CBR4: variants seen among roughly 807,000 people sequenced by gnomAD.
CBR4 encodes the protein 3-oxoacyl-[acyl-carrier-protein] reductase.
In CBR4, 22 loss-of-function variants were observed where a neutral mutation model predicts 21.0. The ratio of observed to expected loss-of-function variants is 1.05; its 90% CI spans 0.75 to 1.50. The LOEUF (loss-of-function observed/expected upper bound fraction) is 1.50. Ranked by LOEUF, CBR4 falls within the 40% of genes most tolerant of loss-of-function variation. The pLI is 0.00. For missense variants in CBR4, 302 were observed against 286.3 expected, an observed-to-expected ratio of 1.05 and a Z score of -0.40; for synonymous variants, 100 against 104.4, an observed-to-expected ratio of 0.96 and a Z score of 0.26.
At chr4:169,008,754 A>C (rs2126881395) in intron 1 of CBR4, among the ~76,000 whole-genome samples, 1 of 152,318 alleles carries the variant, frequency 6.6e-6, no homozygotes. Flanking sequence ...GGGGTGACAC[A>C]GTAAGGGTCA....
chr4:168,938,546 A>C (rs10031084), intron 2 of CBR4, among the ~76,000 whole-genome samples: 20,025 of 152,214 alleles, frequency 0.13, 1,473 homozygotes, highest in Middle Eastern at 0.22. Context: ...GACAAGATCA[A>C]CAAAATAGAC....
rs891594631 is a variant in CBR4 at position 168,988,233 on chromosome 4, A to G, written c.*1917T>C. The G allele has an allele frequency of 1.5e-5, 15 of 985,326 alleles. No individual in the cohort carries two copies. The African/African-American group carries it at 2.3e-4, about 15-fold the overall frequency. The allele number at this position is 985,326 out of a possible 1,614,324, so 61.0% of individuals were successfully genotyped here. Reference sequence around the variant, plus strand: ...AGTGAAGGTTTATTTTACCTCTTTCAAGATCTCTCCATATATTCCACCAGT... The same window carrying G: ...AGTGAAGGTTTATTTTACCTCTTTCGAGATCTCTCCATATATTCCACCAGT... On this transcript the variant is annotated 3_prime_UTR_variant, in exon 5 of 5. Transcript: ENST00000306193.
rs202118988 is a variant in CBR4 at position 169,010,132 on chromosome 4, G to A, written c.-43C>T. 335 of 1,514,962 alleles carry A rather than the reference G, an allele frequency of 2.2e-4. 3 individuals are homozygous for A. In the African/African-American group the frequency reaches 4.4e-3, roughly 20 times the overall value. 93.8% of individuals were successfully genotyped at this position (1,514,962 alleles called of 1,614,324 possible). A position where few individuals can be genotyped will look rare whatever the true frequency, so the allele number is the denominator to read the frequency against. On this transcript the variant is annotated 5_prime_UTR_variant, in exon 1 of 5. Transcript: ENST00000306193. Reference sequence around the variant, plus strand: ...GGAGGAAAGAGGGTAGGGAGTGGGAGCCCCTCTCCAGGTTCCCTCAGGCTT... The same window carrying A: ...GGAGGAAAGAGGGTAGGGAGTGGGAACCCCTCTCCAGGTTCCCTCAGGCTT...
At chr4:168,921,365 C>G (rs1761452464) in intron 2 of CBR4, among the ~76,000 whole-genome samples, 1 of 140,628 alleles carries the variant, frequency 7.1e-6, no homozygotes, top group Non-Finnish European at 1.5e-5. Flanking sequence ...TGAGATTGTG[C>G]CACTGCACTC....
chr4:168,989,385 T>C lies in CBR4; in HGVS notation c.*765A>G, dbSNP rs936321138. ...CTTATGAGAATTTCTCAAGAATGAG[T>C]CAAATGCGCCACATTTAAATTTGCA... On this transcript the variant is annotated 3_prime_UTR_variant, in exon 5 of 5. Coordinates refer to ENST00000306193, the MANE Select transcript of CBR4 (RefSeq NM_032783.5). The C allele has an allele frequency of 2.0e-6, 2 of 985,270 alleles. No individual in the cohort carries two copies. The highest frequency in any genetic ancestry group is 2.4e-6 in the Non-Finnish European group (2 of 829,892). The allele number at this position is 985,270 out of a possible 1,614,324, so 61.0% of individuals were successfully genotyped here. A position where few individuals can be genotyped will look rare whatever the true frequency, so the allele number is the denominator to read the frequency against.
intron 2 of CBR4, among the ~76,000 whole-genome samples, chr4:168,896,369 T>G (rs1398302898): frequency 6.6e-6 from 1 of 152,236 alleles, no homozygotes; most frequent in Non-Finnish European, 1.5e-5. Context: ...ATATCTCATG[T>G]GATTTATGGA....
intron 2 of CBR4, among the ~76,000 whole-genome samples, chr4:168,903,144 AT>A (rs1372294318): frequency 3.9e-5 from 6 of 152,004 alleles, no homozygotes; most frequent in Non-Finnish European, 2.9e-5. Context: ...CTTTAACATA[AT>A]GGGGATAGGT....
At position 168,990,189 on chromosome 4, in the gene CBR4, A is replaced by T. The variant is rs1188963102; in HGVS notation, c.675T>A (p.His225Gln). ...FLLESPYITG[H>Q]VLVVDGGLQL... Reference sequence around the variant, plus strand: ...GTAATCCCCCATCCACTACCAGAACATGCCCTGTAATATACGGTGATTCTA... The same window carrying T: ...GTAATCCCCCATCCACTACCAGAACTTGCCCTGTAATATACGGTGATTCTA... The change falls in exon 5 of 5, where the codon CAT (histidine) becomes CAA (glutamine). Residue 225 changes from histidine to glutamine, a missense_variant. Transcript: ENST00000306193. 1 of 1,611,310 alleles carries T rather than the reference A, an allele frequency of 6.2e-7. No homozygotes were observed. Among genetic ancestry groups the T allele is most frequent in the Non-Finnish European group, 8.5e-7 (1 of 1,178,880 alleles).
intron 2 of CBR4, chr4:168,927,143 A>G (rs1386061060): frequency 4.4e-6 from 1 of 228,612 alleles, no homozygotes. Flanking sequence ...TTCCACAGAA[A>G]GCATCCAAAC....
intron 2 of CBR4, among the ~76,000 whole-genome samples, chr4:168,925,690 AC>A (rs1229851885): frequency 6.6e-5 from 10 of 152,292 alleles, no homozygotes; most frequent in South Asian, 2.1e-4. Context: ...CATAAAAAAA[AC>A]ACTAGAAAAA....
rs573996875 is a variant in CBR4, at chr4:168,905,437, T to C, written n.170-10672A>G. Reference sequence around the variant, plus strand: ...TGTTAGCATTACAGGTGTGAGGCACTGCACCCGGCCTGAGACTCTGTTTCT... The same window carrying C: ...TGTTAGCATTACAGGTGTGAGGCACCGCACCCGGCCTGAGACTCTGTTTCT... On this transcript the variant is annotated intron_variant and non_coding_transcript_variant, in intron 2 of 3. Transcript: ENST00000509108. Among the ~76,000 whole-genome samples the C allele has an allele frequency of 8.5e-5, 13 of 152,088 alleles. No homozygotes were observed. In the East Asian group the frequency reaches 2.3e-3, roughly 27 times the overall value.
At chr4:168,967,066 T>C (rs13122491) in intron 2 of CBR4, among the ~76,000 whole-genome samples, 80,361 of 151,592 alleles carry the variant, frequency 0.53, 24,909 homozygotes, top group East Asian at 0.88. Flanking sequence ...CATATGTTTA[T>C]TGCGGCACTG....
intron 2 of CBR4, among the ~76,000 whole-genome samples, chr4:168,920,041 A>G (rs1405247551): frequency 6.6e-6 from 1 of 152,180 alleles, no homozygotes; most frequent in Admixed American, 6.5e-5. Context: ...TGGCTTATCT[A>G]GGATCTAACC....
intron 2 of CBR4, chr4:168,926,581 T>C: frequency 2.0e-6 from 1 of 494,586 alleles, no homozygotes; most frequent in Non-Finnish European, 3.6e-6. Context: ...ATATACACAT[T>C]GCACAGAAAA....
chr4:168,996,495 T>A (rs1370053945), intron 4 of CBR4, among the ~76,000 whole-genome samples: 1 of 150,720 alleles, frequency 6.6e-6, no homozygotes, highest in Non-Finnish European at 1.5e-5. Flanking sequence ...TATTGATACA[T>A]TATTAAGTAA....
intron 2 of CBR4, among the ~76,000 whole-genome samples, chr4:168,897,198 G>A (rs1755396097): frequency 6.6e-6 from 1 of 152,050 alleles, no homozygotes; most frequent in East Asian, 1.9e-4. Context: ...TTTTTCATTT[G>A]TTATATATAC....
At chr4:168,903,646 A>T in intron 2 of CBR4, 2 of 874,180 alleles carry the variant, frequency 2.3e-6, no homozygotes, top group Non-Finnish European at 3.8e-6. Context: ...TTAACATTTT[A>T]ACATGAAAAC....
At chr4:168,991,706 C>T (rs1488440212) in intron 4 of CBR4, among the ~76,000 whole-genome samples, 1 of 152,038 alleles carries the variant, frequency 6.6e-6, no homozygotes, top group Non-Finnish European at 1.5e-5. Context: ...CATACAAATA[C>T]GTATTAATAA....
At chr4:168,912,898 G>A (rs1759282234) in intron 2 of CBR4, among the ~76,000 whole-genome samples, 2 of 152,116 alleles carry the variant, frequency 1.3e-5, no homozygotes, top group Non-Finnish European at 2.9e-5. Context: ...AATTTCAATT[G>A]ACAAATTTAA....
Sources: gnomAD v4.1 joint callset for allele counts (sites outside exome capture counted in the v4.1 genomes callset) on GRCh38, gnomAD v4.1.1 for gene constraint, MANE v1.5 for transcripts, NCBI Gene and HGNC (gene_info 2026-07-23, HGNC 2026-07-21) for gene names.